The following NKAIN2 variants were observed in gnomAD, a reference collection of about 807,000 sequenced individuals.
NKAIN2 encodes the protein sodium/potassium-transporting ATPase subunit beta-1-interacting protein 2.
NKAIN2 carries 14 observed loss-of-function variants against 32.6 expected under a neutral mutation model. That is an observed-to-expected ratio of 0.43 (90% CI 0.28 to 0.67). NKAIN2 has a LOEUF of 0.67. NKAIN2 is among the 30% of genes least tolerant of loss of function. The pLI, the probability that NKAIN2 is intolerant of heterozygous loss-of-function variation, is 0.17. For missense variants in NKAIN2, 198 were observed against 258.3 expected, an observed-to-expected ratio of 0.77 and a Z score of 1.60; for synonymous variants, 80 against 87.2, an observed-to-expected ratio of 0.92 and a Z score of 0.46.
At chr6:124,385,269 G>A (rs1280679345) in intron 3 of NKAIN2, among the ~76,000 whole-genome samples, 1 of 152,120 alleles carries the variant, frequency 6.6e-6, no homozygotes, top group Non-Finnish European at 1.5e-5. Context: ...GCATGTCAGG[G>A]AGATGGACGA....
intron 1 of NKAIN2, among the ~76,000 whole-genome samples, chr6:124,072,189 G>A (rs900510811): frequency 4.6e-5 from 7 of 152,108 alleles, no homozygotes; most frequent in African/African-American, 1.7e-4. Flanking sequence ...CATGGATGTA[G>A]CTGGAAGCCA....
chr6:124,243,172 C>A (rs1404772526), intron 1 of NKAIN2, among the ~76,000 whole-genome samples: 3 of 151,704 alleles, frequency 2.0e-5, no homozygotes, highest in Non-Finnish European at 4.4e-5. Flanking sequence ...TGTTCTGAAA[C>A]AGGAGGTAAA....
At chr6:124,535,174 A>G (rs1779670439) in intron 3 of NKAIN2, among the ~76,000 whole-genome samples, 1 of 152,174 alleles carries the variant, frequency 6.6e-6, no homozygotes, top group Admixed American at 6.5e-5. Context: ...GAAGCCATGG[A>G]TAAGGAGGGC....
intron 1 of NKAIN2, among the ~76,000 whole-genome samples, chr6:124,032,709 A>G (rs546091718): frequency 5.9e-4 from 90 of 152,250 alleles, no homozygotes; most frequent in African/African-American, 2.0e-3. Flanking sequence ...TAATGGAATC[A>G]CATTTAAAAC....
chr6:124,443,012 T>G (rs945687106), intron 3 of NKAIN2, among the ~76,000 whole-genome samples: 2 of 152,152 alleles, frequency 1.3e-5, no homozygotes, highest in African/African-American at 2.4e-5. Flanking sequence ...TTCTCAAGTA[T>G]GGAACTTGCT....
In NKAIN2 at chr6:124,174,116, G is replaced by T. The variant is rs572911396; in HGVS notation, c.55-108889G>T. Among the ~76,000 whole-genome samples, 5 of 152,196 alleles carry T rather than the reference G, an allele frequency of 3.3e-5. No homozygotes were observed. The East Asian group carries it at 5.8e-4, about 18-fold the overall frequency. ...ATTCTGTATTAAACAGAGGGAAATTGTGAGGTTTATAGAATTTAAAGGAAT... is the reference window on the plus strand; with the variant it reads ...ATTCTGTATTAAACAGAGGGAAATTTTGAGGTTTATAGAATTTAAAGGAAT... On this transcript the variant is annotated intron_variant, in intron 1 of 6. Transcript: ENST00000368417.
At chr6:124,534,513 T>A (rs921058736) in intron 3 of NKAIN2, among the ~76,000 whole-genome samples, 2 of 152,220 alleles carry the variant, frequency 1.3e-5, no homozygotes, top group Non-Finnish European at 2.9e-5. Context: ...CTTGTGGGGA[T>A]CAATGCTGGT....
chr6:123,951,032 A>G (rs1777301434), intron 1 of NKAIN2, among the ~76,000 whole-genome samples: 1 of 151,978 alleles, frequency 6.6e-6, no homozygotes, highest in African/African-American at 2.4e-5. Flanking sequence ...GTGGTCATTT[A>G]GGAGCATGTT....
intron 3 of NKAIN2, among the ~76,000 whole-genome samples, chr6:124,403,247 G>T (rs1036539265): frequency 2.6e-5 from 4 of 151,768 alleles, no homozygotes; most frequent in African/African-American, 7.3e-5. Flanking sequence ...GATGCTAAAC[G>T]TTCTCTTTTA....
intron 2 of NKAIN2, among the ~76,000 whole-genome samples, chr6:124,298,676 A>G (rs1007241869): frequency 6.6e-6 from 1 of 152,210 alleles, no homozygotes; most frequent in Middle Eastern, 3.2e-3. Context: ...ATAGAATGAT[A>G]AAGATCCCAG....
chr6:124,069,125 T>G (rs1283127306), intron 1 of NKAIN2, among the ~76,000 whole-genome samples: 1 of 152,206 alleles, frequency 6.6e-6, no homozygotes, highest in Non-Finnish European at 1.5e-5. Flanking sequence ...GAGTAACCAT[T>G]CTGTGAACAG....
chr6:124,788,423 C>T (rs1033900934), intron 4 of NKAIN2, among the ~76,000 whole-genome samples: 2 of 152,040 alleles, frequency 1.3e-5, no homozygotes, highest in African/African-American at 4.8e-5. Context: ...CGTCTCTTCT[C>T]ACACTGCTAA....
intron 3 of NKAIN2, among the ~76,000 whole-genome samples, chr6:124,553,934 T>G (rs1780382805): frequency 6.6e-6 from 1 of 152,216 alleles, no homozygotes; most frequent in African/African-American, 2.4e-5. Flanking sequence ...AATAAGCTGA[T>G]AATTTTTATG....
chr6:124,478,422 A>G (rs974900738), intron 3 of NKAIN2, among the ~76,000 whole-genome samples: 2 of 152,202 alleles, frequency 1.3e-5, no homozygotes, highest in East Asian at 3.9e-4. Context: ...GATGTGCAAC[A>G]GGGAATACAC....
At chr6:124,180,422 G>A (rs1285596995) in intron 1 of NKAIN2, among the ~76,000 whole-genome samples, 1 of 152,002 alleles carries the variant, frequency 6.6e-6, no homozygotes, top group Non-Finnish European at 1.5e-5. Context: ...CATGAGAACA[G>A]CATGGGAAAA....
chr6:124,601,159 C>T (rs1162172814), intron 3 of NKAIN2, among the ~76,000 whole-genome samples: 1 of 152,042 alleles, frequency 6.6e-6, no homozygotes, highest in Non-Finnish European at 1.5e-5. Context: ...ATAGACACAA[C>T]ATGAGGTAGA....
chr6:123,852,533 G>A (rs1256929926), intron 1 of NKAIN2, among the ~76,000 whole-genome samples: 2 of 152,266 alleles, frequency 1.3e-5, no homozygotes, highest in Non-Finnish European at 2.9e-5. Flanking sequence ...AATAAAATCA[G>A]TATGTTGGAG....
chr6:124,781,389 A>G (rs761001921), intron 4 of NKAIN2, among the ~76,000 whole-genome samples: 1 of 152,150 alleles, frequency 6.6e-6, no homozygotes, highest in African/African-American at 2.4e-5. Flanking sequence ...ATGTTACCAC[A>G]TGCCCAGAAT....
chr6:124,547,895 C>G (rs1219653203), intron 3 of NKAIN2, among the ~76,000 whole-genome samples: 1 of 152,112 alleles, frequency 6.6e-6, no homozygotes, highest in Non-Finnish European at 1.5e-5. Context: ...CCCCCACCAC[C>G]CTACACACAC....
Sources: allele counts gnomAD v4.1 joint callset (sites outside exome capture counted in the v4.1 genomes callset), GRCh38; gene constraint gnomAD v4.1.1; transcripts MANE v1.5; gene names NCBI Gene and HGNC (gene_info 2026-07-23, HGNC 2026-07-21).